CFAP47: variants seen among roughly 807,000 people sequenced by gnomAD.
CFAP47 encodes cilia- and flagella-associated protein 47.
Under a neutral mutation model 148.1 loss-of-function variants are expected in CFAP47, and 29 were observed. The ratio of observed to expected loss-of-function variants is 0.20; its 90% CI spans 0.15 to 0.27. The LOEUF is 0.27. Ranked by LOEUF, CFAP47 falls within the 10% of genes least tolerant of loss-of-function variation. CFAP47 has a pLI of 1.00. For synonymous variants in CFAP47, 664 were observed against 577.3 expected, an observed-to-expected ratio of 1.15 and a Z score of -2.15; for missense variants, 1,872 against 1,697.5, an observed-to-expected ratio of 1.10 and a Z score of -1.81.
In CFAP47 at chrX:35,998,175, A is replaced by G. The variant is rs780129541; in HGVS notation, c.3177+786A>G. Among the ~76,000 whole-genome samples the G allele has an allele frequency of 9.0e-5, 10 of 111,691 alleles. No homozygotes were observed. In the East Asian group the frequency reaches 1.4e-3, roughly 16 times the overall value. Reference sequence around the variant, plus strand: ...ATTTTGCCAATCTATTGAGTATAAAATGATACCTCACTGTGGTATTGATTT... The same window carrying G: ...ATTTTGCCAATCTATTGAGTATAAAGTGATACCTCACTGTGGTATTGATTT... On this transcript the variant is annotated intron_variant, in intron 19 of 63. Transcript: ENST00000378653.
At chrX:36,015,228 CA>C (rs1937083620) in intron 22 of CFAP47, among the ~76,000 whole-genome samples, 1 of 102,795 alleles carries the variant, frequency 9.7e-6, no homozygotes, top group Admixed American at 1.1e-4. Context: ...TAAAATATTA[CA>C]AAATGCATTT....
intron 57 of CFAP47, among the ~76,000 whole-genome samples, chrX:36,334,466 C>A (rs1472667078): frequency 9.0e-6 from 1 of 111,489 alleles, no homozygotes; most frequent in South Asian, 3.7e-4. Flanking sequence ...TAAAGTTATA[C>A]AATTTTACTT....
chrX:36,175,663 A>G (rs1225981373), intron 39 of CFAP47, among the ~76,000 whole-genome samples: 1 of 111,964 alleles, frequency 8.9e-6, no homozygotes, highest in African/African-American at 3.2e-5. Flanking sequence ...CCATTCTCAG[A>G]TCTCCAGCTG....
intron 45 of CFAP47, among the ~76,000 whole-genome samples, chrX:36,206,158 T>TA (rs1259021565): frequency 9.0e-6 from 1 of 111,462 alleles, no homozygotes; most frequent in African/African-American, 3.3e-5. Flanking sequence ...AAAGTAAAAA[T>TA]AAAAATAACC....
chrX:36,263,320 C>T (rs1364734625), intron 49 of CFAP47, among the ~76,000 whole-genome samples: 1 of 112,120 alleles, frequency 8.9e-6, no homozygotes, highest in East Asian at 2.8e-4. Flanking sequence ...CTTTTAGGAT[C>T]CTTCCTTTAT....
intron 40 of CFAP47, among the ~76,000 whole-genome samples, chrX:36,185,370 C>T (rs1412425233): frequency 9.0e-6 from 1 of 110,685 alleles, no homozygotes; most frequent in Admixed American, 9.6e-5. Flanking sequence ...GATTAGATTT[C>T]AACAAATGAA....
chrX:36,372,418 C>T (rs1382652112), intron 62 of CFAP47, among the ~76,000 whole-genome samples: 1 of 111,676 alleles, frequency 9.0e-6, no homozygotes, highest in Non-Finnish European at 1.9e-5. Context: ...ATGATTCCTT[C>T]TTTTGTATGT....
At chrX:35,996,295 G>A (rs2146688343) in intron 18 of CFAP47, among the ~76,000 whole-genome samples, 1 of 111,497 alleles carries the variant, frequency 9.0e-6, no homozygotes, top group East Asian at 2.8e-4. Context: ...AGTCAAATAT[G>A]TTTTTTATGT....
At chrX:36,209,084 A>G (rs1433196510) in intron 45 of CFAP47, among the ~76,000 whole-genome samples, 1 of 112,559 alleles carries the variant, frequency 8.9e-6, no homozygotes, top group Non-Finnish European at 1.9e-5. Flanking sequence ...AACAGGATAA[A>G]AAATAAATTT....
At chrX:36,257,424 CTT>C (rs59252656) in intron 49 of CFAP47, among the ~76,000 whole-genome samples, 5 of 101,219 alleles carry the variant, frequency 4.9e-5, no homozygotes, top group Non-Finnish European at 2.0e-5. Flanking sequence ...TTTTTTCTTT[CTT>C]TTTTTTTTTT....
At chrX:36,037,061 TG>T (rs990616488) in intron 24 of CFAP47, among the ~76,000 whole-genome samples, 4 of 111,703 alleles carry the variant, frequency 3.6e-5, no homozygotes, top group African/African-American at 1.3e-4. Flanking sequence ...TAAAAATAAT[TG>T]TTTTATTATG....
At chrX:36,208,535 C>T (rs1940064168) in intron 45 of CFAP47, among the ~76,000 whole-genome samples, 2 of 111,452 alleles carry the variant, frequency 1.8e-5, no homozygotes, top group African/African-American at 6.5e-5. Flanking sequence ...TGCACCCATA[C>T]AGTTCAAATA....
chrX:36,299,716 A>T (rs1941279582), intron 52 of CFAP47, among the ~76,000 whole-genome samples: 1 of 111,556 alleles, frequency 9.0e-6, no homozygotes, highest in Admixed American at 9.6e-5. Context: ...TCTGCTTCTG[A>T]GTTCAATTTT....
intron 21 of CFAP47, among the ~76,000 whole-genome samples, chrX:36,008,867 A>G (rs1048024922): frequency 4.5e-5 from 5 of 111,775 alleles, no homozygotes; most frequent in African/African-American, 1.3e-4. Flanking sequence ...CCTCTGTGAA[A>G]TCTCTGGTGA....
intron 4 of CFAP47, among the ~76,000 whole-genome samples, chrX:35,949,670 G>T (rs1204367886): frequency 8.0e-5 from 9 of 111,881 alleles, no homozygotes; most frequent in Admixed American, 7.6e-4. Context: ...GTCCCAGAAA[G>T]AAATTTGATT....
chrX:36,227,072 C>T, intron 45 of CFAP47, among the ~76,000 whole-genome samples: 1 of 111,377 alleles, frequency 9.0e-6, no homozygotes, highest in East Asian at 2.8e-4. Flanking sequence ...ATTTTCTGTG[C>T]TGATTTGTTC....
intron 45 of CFAP47, among the ~76,000 whole-genome samples, chrX:36,220,014 G>T (rs1330411560): frequency 9.0e-6 from 1 of 111,361 alleles, no homozygotes; most frequent in East Asian, 2.8e-4. Context: ...ATTATAGGTT[G>T]AGTAAAACCA....
intron 26 of CFAP47, among the ~76,000 whole-genome samples, chrX:36,059,688 AT>A (rs1344795506): frequency 8.9e-6 from 1 of 112,072 alleles, no homozygotes; most frequent in East Asian, 2.8e-4. Context: ...AAACACAAAC[AT>A]AAGGTTTATA....
chrX:36,067,931 G>A (rs1395934266), intron 27 of CFAP47, among the ~76,000 whole-genome samples: 5 of 111,195 alleles, frequency 4.5e-5, no homozygotes, highest in South Asian at 3.8e-4. Flanking sequence ...GATTACAGGC[G>A]TGAGCCACCG....
Sources: gnomAD v4.1 joint callset for allele counts (sites outside exome capture counted in the v4.1 genomes callset) on GRCh38, gnomAD v4.1.1 for gene constraint, MANE v1.5 for transcripts, NCBI Gene and HGNC (gene_info 2026-07-23, HGNC 2026-07-21) for gene names.